Variants in TM2D2 observed in about 807,000 individuals in gnomAD.
TM2D2 encodes TM2 domain containing 2, also known as TM2 domain-containing protein 2.
A neutral mutation model predicts 23.0 loss-of-function variants in TM2D2; 19 were observed. The ratio of observed to expected loss-of-function variants is 0.82; its 90% CI spans 0.58 to 1.21. The LOEUF is 1.21. TM2D2 is among the 50% of genes most tolerant of loss of function. The probability of loss-of-function intolerance (pLI) is 0.00; values close to 1 mark genes in which losing one functional copy is unlikely to be tolerated. For synonymous variants in TM2D2, 120 were observed against 108.8 expected (o/e 1.10, Z -0.64); for missense variants, 246 against 265.4 (o/e 0.93, Z 0.51).
In TM2D2 at chr8:38,989,943, T is replaced by G. The variant is rs1306569925; in HGVS notation, c.*1389A>C. 5.3e-5 allele frequency: 8 copies of G among 152,180 alleles called. No homozygotes were observed. The highest frequency in any genetic ancestry group is 1.2e-4 in the Non-Finnish European group (8 of 68,038). The allele number at this position is 152,180 out of a possible 1,614,324, so 9.4% of individuals were successfully genotyped here. On this transcript the variant is annotated 3_prime_UTR_variant, in exon 4 of 4. Transcript: ENST00000456397. ...GATTTTTCTGGGGAGAGGGTCTAGT[T>G]TCTTCATGACCCATAAAAATTTAAT...
chr8:38,996,982 G>A (rs1175832836), upstream of TM2D2: 3 of 1,536,134 alleles, frequency 2.0e-6, no homozygotes, highest in South Asian at 2.3e-5. Context: ...CAGACTTGGG[G>A]CCCCGGCAGG....
rs1438346011 is a variant in TM2D2, at chr8:38,995,348, T to A, written c.285A>T (p.Ala95=). ...DPVDHVGNAT[A]SQELGYGCLK... The stretch of plus-strand genomic sequence containing the variant: ...GACAACCATAACCAAGTTCCTGGGA[T>A]GCAGTTGCATTTCCAACATGATCCA... Residue 95 remains alanine, a synonymous_variant, in exon 2 of 4, where the codon GCA becomes GCT. Transcript: ENST00000456397. The A allele has an allele frequency of 1.2e-6, 2 of 1,604,680 alleles. No homozygotes were observed. The highest frequency in any genetic ancestry group is 2.2e-5 in the South Asian group (2 of 89,330).
intron 1 of TM2D2, chr8:38,995,763 A>G (rs1229428643): frequency 2.4e-6 from 3 of 1,264,384 alleles, no homozygotes. Context: ...TTCTTGTTTG[A>G]TCAAAAAGAG....
intron 1 of TM2D2, 193 bp from the exon 2 acceptor site, chr8:38,995,598 C>A: frequency 6.8e-7 from 1 of 1,475,292 alleles, no homozygotes; most frequent in East Asian, 2.6e-5. Flanking sequence ...CCAAAATGAA[C>A]CTTTTGTTGG....
rs1835524251 is a variant in TM2D2, at chr8:38,988,880, G to A, written c.*2452C>T. The A allele has an allele frequency of 6.6e-6, 1 of 152,186 alleles. No individual in the cohort carries two copies. Among genetic ancestry groups the A allele is most frequent in the East Asian group, 1.9e-4 (1 of 5,196 alleles). 9.4% of individuals were successfully genotyped at this position (152,186 alleles called of 1,614,324 possible). Reference sequence around the variant, plus strand: ...GGCAGGCAGCTTCTAATTTAACCTTGAGGGAAGGACACTGTAGTATTTTAA... The same window carrying A: ...GGCAGGCAGCTTCTAATTTAACCTTAAGGGAAGGACACTGTAGTATTTTAA... On this transcript the variant is annotated 3_prime_UTR_variant, in exon 4 of 4. Transcript: ENST00000456397.
Position 38,991,408 on chromosome 8 carries a change from C to G in TM2D2, c.569G>C (p.Trp190Ser). The change falls in exon 4 of 4, where the codon TGG becomes TCG. Residue 190 changes from tryptophan (W) to serine (S), a missense_variant. Coordinates refer to ENST00000456397, the MANE Select transcript of TM2D2 (RefSeq NM_078473.3). ...LLTLGGLGIW[W>S]FVDLILLITG... ...AATTAGCAAAATAAGGTCAACAAAC[C>G]ACCAAATCCCAAGTCCTCCAAGCGT... The G allele has an allele frequency of 6.2e-7, 1 of 1,614,136 alleles. No homozygotes were observed. Among genetic ancestry groups the G allele is most frequent in the Non-Finnish European group, 8.5e-7 (1 of 1,180,048 alleles).
upstream of TM2D2, chr8:38,996,944 TGCTCGTCGGGCGCGCGC>T (rs769003433): frequency 1.1e-4 from 159 of 1,419,194 alleles, no homozygotes; most frequent in Admixed American, 1.6e-3. Context: ...CGGGCGCGCG[TGCTCGTCGGGCGCGCGC>T]GCTTCCCGGC....
Position 38,991,348 on chromosome 8 carries a change from C to T in TM2D2, c.629G>A (p.Trp210Ter). Residue 210 changes from tryptophan (W) to a stop codon, truncating the protein, a stop_gained, in exon 4 of 4, where the codon TGG becomes TAG. Transcript: ENST00000456397. LOFTEE classifies it high-confidence loss of function. ...GGLMPSDGSN[W>*]CTVY ...CAGCTCTTCTTAGTAAACAGTGCAC[C>T]AGTTGCTGCCATCACTTGGCATCAG... 6.2e-7 allele frequency: 1 copy of T among 1,614,034 alleles called. No individual in the cohort carries two copies. The highest frequency in any genetic ancestry group is 8.5e-7 in the Non-Finnish European group (1 of 1,179,950).
chr8:38,991,253 G>A lies in TM2D2; in HGVS notation c.*79C>T. The stretch of plus-strand genomic sequence containing the variant: ...AAATAACATCAGGTCTGATATCAAA[G>A]AGGAGTTTTGAGCCTGTAGAGATGA... On this transcript the variant is annotated 3_prime_UTR_variant, in exon 4 of 4. Coordinates refer to ENST00000456397, the MANE Select transcript of TM2D2 (RefSeq NM_078473.3). The A allele has an allele frequency of 8.6e-7, 1 of 1,167,564 alleles. No individual in the cohort carries two copies. Among genetic ancestry groups the A allele is most frequent in the East Asian group, 2.5e-5 (1 of 39,410 alleles). 72.3% of individuals were successfully genotyped at this position (1,167,564 alleles called of 1,614,324 possible).
At chr8:38,995,069 T>C (rs1300422507) in intron 2 of TM2D2, 3 of 396,870 alleles carry the variant, frequency 7.6e-6, no homozygotes, top group African/African-American at 6.3e-5. Context: ...AATCTGTCAG[T>C]GGCCAAAGGA....
chr8:38,993,016 T>A (rs1291151797), intron 3 of TM2D2, among the ~76,000 whole-genome samples: 1 of 152,212 alleles, frequency 6.6e-6, no homozygotes, highest in Non-Finnish European at 1.5e-5. Flanking sequence ...CTACACTTTT[T>A]ATAATAAAAC....
intron 3 of TM2D2, among the ~76,000 whole-genome samples, chr8:38,992,798 G>C (rs1198785301): frequency 2.6e-5 from 4 of 152,070 alleles, no homozygotes; most frequent in Non-Finnish European, 4.4e-5. Flanking sequence ...ATGAACACTT[G>C]ATCTCCATAC....
rs773953440 is a variant in TM2D2 at position 38,996,285 on chromosome 8, G to C, written c.155C>G (p.Pro52Arg). 1.2e-6 allele frequency: 2 copies of C among 1,613,894 alleles called. No homozygotes were observed. Among genetic ancestry groups the C allele is most frequent in the East Asian group, 2.2e-5 (1 of 44,896 alleles). Reference protein sequence around the residue: ...PELTSAGAAQPEGPGGAASWE... With the variant: ...PELTSAGAAQREGPGGAASWE... ...GCTCGCAGCACCCCCGGGGCCCTCC[G>C]GCTGGGCGGCGCCAGCGGATGTGAG... Residue 52 changes from proline to arginine, a missense_variant, in exon 1 of 4, where the codon CCG becomes CGG. Coordinates refer to ENST00000456397, the MANE Select transcript of TM2D2 (RefSeq NM_078473.3).
intron 3 of TM2D2, among the ~76,000 whole-genome samples, chr8:38,992,960 T>C (rs1835648277): frequency 6.6e-6 from 1 of 152,232 alleles, no homozygotes; most frequent in Non-Finnish European, 1.5e-5. Context: ...GGAAATTCTG[T>C]GCCTTCCTTT....
At chr8:38,995,789 G>GT (rs1300330034) in intron 1 of TM2D2, 1 of 1,240,796 alleles carries the variant, frequency 8.1e-7, no homozygotes. Context: ...AAAAAATGGC[G>GT]TGATTCTGCA....
chr8:38,988,964 C>T lies in TM2D2; in HGVS notation c.*2368G>A, dbSNP rs577734296. The T allele has an allele frequency of 6.6e-6, 1 of 152,272 alleles. No individual in the cohort carries two copies. Among genetic ancestry groups the T allele is most frequent in the African/African-American group, 2.4e-5 (1 of 41,554 alleles). The allele number at this position is 152,272 out of a possible 1,614,324, so 9.4% of individuals were successfully genotyped here. On this transcript the variant is annotated 3_prime_UTR_variant, in exon 4 of 4. Transcript: ENST00000456397. ...ACACATATACAAATGGATCTGTCTA[C>T]CAAAATTTAAGAAACAACCTGAATA... is the stretch of plus-strand genomic sequence containing the variant.
chr8:38,993,577 C>T lies in TM2D2; in HGVS notation c.399G>A (p.Arg133=). Residue 133 remains arginine, a synonymous_variant, in exon 3 of 4, where the codon AGG becomes AGA. Transcript: ENST00000456397. ...AAGGTTTATTTTCTCGTAGAAAGGT[C>T]CTAGGACTGGCACACTCAATTCCAT... ...ALDGIECASP[R]TFLRENKPCI... is the part of the protein sequence containing the mutation. 6.2e-7 allele frequency: 1 copy of T among 1,613,860 alleles called. No individual in the cohort carries two copies. The highest frequency in any genetic ancestry group is 1.7e-4 in the Middle Eastern group (1 of 6,060).
chr8:38,994,890 C>T (rs1347019769), intron 2 of TM2D2, among the ~76,000 whole-genome samples: 1 of 152,180 alleles, frequency 6.6e-6, no homozygotes, highest in Non-Finnish European at 1.5e-5. Context: ...AACCTGTTTG[C>T]CTGGAGAAAA....
chr8:38,996,786 G>A, upstream of TM2D2: 1 of 1,423,518 alleles, frequency 7.0e-7, no homozygotes, highest in South Asian at 1.5e-5. Context: ...TGACTGGCGG[G>A]CCGACTAGTG....
Sources: allele counts gnomAD v4.1 joint callset (sites outside exome capture counted in the v4.1 genomes callset), GRCh38; gene constraint gnomAD v4.1.1; transcripts MANE v1.5; gene names NCBI Gene and HGNC (gene_info 2026-07-23, HGNC 2026-07-21).